The following GMIP variants were observed in gnomAD, a reference collection of about 807,000 sequenced individuals.
The protein encoded by GMIP is GEM-interacting protein.
GMIP carries 54 observed loss-of-function variants against 105.3 expected under a neutral mutation model. The observed-to-expected ratio is 0.51, with a 90% CI of 0.41 to 0.64. GMIP has a LOEUF of 0.64. GMIP is among the 30% of genes least tolerant of loss of function. GMIP has a pLI of 0.00. For synonymous variants in GMIP, 541 were observed against 560.8 expected, an observed-to-expected ratio of 0.96 and a Z score of 0.50; for missense variants, 1,110 against 1,319.4, an observed-to-expected ratio of 0.84 and a Z score of 2.46.
chr19:19,638,374 C>G, intron 8 of GMIP, 28 bp downstream of exon 8: 1 of 1,614,130 alleles, frequency 6.2e-7, no homozygotes, highest in South Asian at 1.1e-5. Context: ...CTCTCTCACC[C>G]TACCCTTCCA....
At chr19:19,640,987 G>A (rs900407958) in intron 4 of GMIP, among the ~76,000 whole-genome samples, 22 of 151,910 alleles carry the variant, frequency 1.4e-4, no homozygotes, top group African/African-American at 5.1e-4. Flanking sequence ...GGCTGGTCTC[G>A]AACTCCCAAT....
chr19:19,632,118 C>T (rs1462505568), intron 19 of GMIP, among the ~76,000 whole-genome samples: 4 of 148,596 alleles, frequency 2.7e-5, no homozygotes, highest in African/African-American at 1.0e-4. Flanking sequence ...TGGAGAAACC[C>T]CTACTCTACT....
rs2061872324 is a variant in GMIP, at chr19:19,637,875, GC to G, written c.927+44del. 6 of 1,557,962 alleles carry G rather than the reference GC, an allele frequency of 3.9e-6. No homozygotes were observed. The highest frequency in any genetic ancestry group is 1.4e-5 in the African/African-American group (1 of 73,262). On this transcript the variant is annotated intron_variant, in intron 10 of 20. Coordinates refer to ENST00000203556, the MANE Select transcript of GMIP (RefSeq NM_016573.4). The surrounding 1 kb of genome is among the most constrained non-coding windows in gnomAD (Gnocchi z 6.7). ...GCGAGGAGTGGGGCACTCAGTCGGG[GC>G]CCCAACGGGGTGAGGGGAGGATGGC...
intron 3 of GMIP, 45 bp from the exon 4 acceptor site, chr19:19,641,912 C>T (rs1281669530): frequency 1.2e-6 from 2 of 1,603,242 alleles, no homozygotes; most frequent in Non-Finnish European, 1.7e-6. Context: ...AGGGCAGGGG[C>T]CTGGCCTTCC....
intron 1 of GMIP, chr19:19,643,031 C>T (rs1179117686): frequency 1.5e-5 from 3 of 202,610 alleles, no homozygotes; most frequent in Admixed American, 5.6e-5. Flanking sequence ...GACATAAAGA[C>T]CGAATGACAC....
Position 19,634,413 on chromosome 19 carries a change from G to A in GMIP, c.2084+94C>T. The A allele has an allele frequency of 7.8e-6, 9 of 1,159,880 alleles. No homozygotes were observed. Among genetic ancestry groups the A allele is most frequent in the Admixed American group, 2.2e-5 (1 of 45,810 alleles). 71.8% of individuals were successfully genotyped at this position (1,159,880 alleles called of 1,614,324 possible). On this transcript the variant is annotated intron_variant, in intron 18 of 20. Transcript: ENST00000203556. This position sits in a 1 kb window ranked among gnomAD's most constrained non-coding sequence, Gnocchi z 6.1. Reference sequence around the variant, plus strand: ...AGAGTTCAGAAAACACAGGTCAAAGGTCAGAGGTCAGTGTCAGGGGTCAGC... The same window carrying A: ...AGAGTTCAGAAAACACAGGTCAAAGATCAGAGGTCAGTGTCAGGGGTCAGC...
intron 19 of GMIP, among the ~76,000 whole-genome samples, chr19:19,633,413 C>T (rs1476162232): frequency 6.6e-6 from 1 of 152,212 alleles, no homozygotes; most frequent in Non-Finnish European, 1.5e-5. Flanking sequence ...CATCACATTC[C>T]AGATAACTGA....
In GMIP at chr19:19,640,339, G is replaced by GTT; in HGVS notation, c.385_386insAA (p.Thr129LysfsTer3). The stretch of plus-strand genomic sequence containing the variant: ...CTTGCCAGCTTCAGCGATCTTCATG[G>GTT]TGCTCTTAGCAAACTCCAGCTCTGG... On this transcript the variant is annotated frameshift_variant, in exon 6 of 21. Coordinates refer to ENST00000203556, the MANE Select transcript of GMIP (RefSeq NM_016573.4). LOFTEE classifies it high-confidence loss of function. The GTT allele has an allele frequency of 6.2e-7, 1 of 1,613,988 alleles. No individual in the cohort carries two copies. Among genetic ancestry groups the GTT allele is most frequent in the Non-Finnish European group, 8.5e-7 (1 of 1,180,008 alleles).
Position 19,638,021 on chromosome 19 carries a change from G to C in GMIP, c.826C>G (p.Arg276Gly). The part of the protein sequence containing the change: ...EAEALYQACV[R>G]EANARQQDLE... ...TCCTGCTGCCGCGCGTTGGCCTCGC[G>C]GACACAGGCCTGGTACAGCGCCTCG... Residue 276 changes from arginine (R) to glycine (G), a missense_variant, in exon 10 of 21, where the codon CGC (arginine) becomes GGC (glycine). Coordinates refer to ENST00000203556, the MANE Select transcript of GMIP (RefSeq NM_016573.4). The C allele has an allele frequency of 6.2e-7, 1 of 1,604,660 alleles. No individual in the cohort carries two copies. Among genetic ancestry groups the C allele is most frequent in the Non-Finnish European group, 8.5e-7 (1 of 1,176,446 alleles).
At position 19,639,804 on chromosome 19, in the gene GMIP, G is replaced by A. The variant is rs550565507; in HGVS notation, c.537+281C>T. ...GCGGAGGTTGCAGTGAGCTGAGATC[G>A]CACCATTGCACCCCAGCCTGGGCAA... On this transcript the variant is annotated intron_variant, in intron 7 of 20. Transcript: ENST00000203556. Among the ~76,000 whole-genome samples the A allele has an allele frequency of 1.1e-4, 17 of 152,246 alleles. No homozygotes were observed. The South Asian group carries it at 2.3e-3, about 20-fold the overall frequency.
chr19:19,636,910 C>T lies in GMIP; in HGVS notation c.1237+7G>A. On this transcript the variant is annotated splice_region_variant and intron_variant, in intron 12 of 20. Coordinates refer to ENST00000203556, the MANE Select transcript of GMIP (RefSeq NM_016573.4). ...CACCACTCCCACCTGGCCCTCATTG[C>T]ACTCACCTTGCCAGCGCCAGCCTGT... 5 of 1,569,956 alleles carry T rather than the reference C, an allele frequency of 3.2e-6. No homozygotes were observed. Among genetic ancestry groups the T allele is most frequent in the Non-Finnish European group, 4.3e-6 (5 of 1,154,134 alleles).
At chr19:19,632,403 C>T (rs2061806074) in intron 19 of GMIP, among the ~76,000 whole-genome samples, 1 of 152,072 alleles carries the variant, frequency 6.6e-6, no homozygotes, top group Non-Finnish European at 1.5e-5. Flanking sequence ...GGTTGGAGAC[C>T]AGCCTGGCTA....
chr19:19,634,642 A>G lies in GMIP; in HGVS notation c.1949T>C (p.Leu650Ser). 1 of 1,613,218 alleles carries G rather than the reference A, an allele frequency of 6.2e-7. No individual in the cohort carries two copies. The highest frequency in any genetic ancestry group is 8.5e-7 in the Non-Finnish European group (1 of 1,179,668). ...AGGGTCGTCCCCAGGGTCTGCATGC[A>G]AGGTCTTAGCCAGAGAGATGAAGGC... The part of the protein sequence containing the change: ...YDAFISLAKT[L>S]HADPGDDPGT... Residue 650 changes from leucine (L) to serine (S), a missense_variant, in exon 18 of 21, where the codon TTG becomes TCG. Transcript: ENST00000203556. This position sits in a 1 kb window ranked among gnomAD's most constrained non-coding sequence, Gnocchi z 6.1.
chr19:19,641,079 GT>G lies in GMIP; in HGVS notation c.239-509del, dbSNP rs560806120. On this transcript the variant is annotated intron_variant, in intron 4 of 20. Transcript: ENST00000203556. ...ACCGTGCCCGGCCTGTGTTTGATGG[GT>G]TTTTTTATTTTTATTTTTGAGGCGG... is the stretch of plus-strand genomic sequence containing the variant. 2.4e-3 allele frequency among the ~76,000 whole-genome samples: 352 copies of G among 148,322 alleles called. 1 individual carries two copies. Among genetic ancestry groups the G allele is most frequent in the African/African-American group, 8.4e-3 (340 of 40,394 alleles).
chr19:19,637,856 A>G lies in GMIP; in HGVS notation c.927+64T>C, dbSNP rs1291940327. The G allele has an allele frequency of 6.6e-7, 1 of 1,507,742 alleles. No homozygotes were observed. Among genetic ancestry groups the G allele is most frequent in the East Asian group, 2.3e-5 (1 of 43,526 alleles). 93.4% of individuals were successfully genotyped at this position (1,507,742 alleles called of 1,614,324 possible). On this transcript the variant is annotated intron_variant, in intron 10 of 20. Transcript: ENST00000203556. This position sits in a 1 kb window ranked among gnomAD's most constrained non-coding sequence, Gnocchi z 6.7. ...TCTCCAGGGTGGCTTAGGGGCGAGGAGTGGGGCACTCAGTCGGGGCCCCAA... is the reference window on the plus strand; with the variant it reads ...TCTCCAGGGTGGCTTAGGGGCGAGGGGTGGGGCACTCAGTCGGGGCCCCAA...
Position 19,642,541 on chromosome 19 carries a change from C to T in GMIP, c.98G>A (p.Gly33Glu). The T allele has an allele frequency of 1.2e-6, 2 of 1,601,914 alleles. No individual in the cohort carries two copies. The highest frequency in any genetic ancestry group is 1.7e-6 in the Non-Finnish European group (2 of 1,169,358). The change falls in exon 2 of 21, where the codon GGG (glycine) becomes GAG (glutamate). Residue 33 changes from glycine to glutamate, a missense_variant. By Grantham distance (98) the Gly-to-Glu change is moderately conservative (BLOSUM62 -2). Transcript: ENST00000203556. The stretch of plus-strand genomic sequence containing the variant: ...GATCCAGGCTCAGACTCACACGTTC[C>T]CCAGTGAGATTTCGAGGTTGTCCAG... ...RSLDNLEISL[G>E]NVTLEMLAGD...
rs1159860754 is a variant in GMIP at position 19,630,655 on chromosome 19, T to C, written c.2473-118A>G. The C allele has an allele frequency of 3.6e-6, 3 of 842,278 alleles. No homozygotes were observed. The highest frequency in any genetic ancestry group is 6.0e-6 in the Non-Finnish European group (3 of 501,694). 52.2% of individuals were successfully genotyped at this position (842,278 alleles called of 1,614,324 possible). A position where few individuals can be genotyped will look rare whatever the true frequency, so the allele number is the denominator to read the frequency against. ...AAAGGAATAGCCAGTGCAAAGGCCC[T>C]GAGGTAGGAGCATGCCTGGTATGTT... is the stretch of plus-strand genomic sequence containing the variant. On this transcript the variant is annotated intron_variant, in intron 19 of 20. Coordinates refer to ENST00000203556, the MANE Select transcript of GMIP (RefSeq NM_016573.4). This position sits in a 1 kb window ranked among gnomAD's most constrained non-coding sequence, Gnocchi z 4.8.
At chr19:19,641,727 G>C in intron 4 of GMIP, 83 bp downstream of exon 4, 2 of 1,001,940 alleles carry the variant, frequency 2.0e-6, no homozygotes. Context: ...ACGATGCCTT[G>C]CATGGAACAG....
intron 7 of GMIP, among the ~76,000 whole-genome samples, chr19:19,639,427 C>T (rs1183312329): frequency 1.3e-5 from 2 of 151,914 alleles, no homozygotes; most frequent in African/African-American, 4.8e-5. Flanking sequence ...CTTCTCCAGA[C>T]CTGCTCTCCC....
Sources: allele counts gnomAD v4.1 joint callset (sites outside exome capture counted in the v4.1 genomes callset), GRCh38; gene constraint gnomAD v4.1.1; non-coding constraint Gnocchi (gnomAD v3.1); transcripts MANE v1.5; gene names NCBI Gene and HGNC (gene_info 2026-07-23, HGNC 2026-07-21).